The following TTLL1 variants were observed in gnomAD, a reference collection of about 807,000 sequenced individuals.
The protein encoded by TTLL1 is TTL family tubulin polyglutamylase complex subunit L1.
In TTLL1, 33 loss-of-function variants were observed where a neutral mutation model predicts 47.8. The observed-to-expected ratio is 0.69, with a 90% CI of 0.52 to 0.92. TTLL1 has a LOEUF of 0.92. TTLL1 is among the 40% of genes least tolerant of loss of function. TTLL1 has a pLI of 0.00. For synonymous variants in TTLL1, 225 were observed against 214.1 expected, an observed-to-expected ratio of 1.05 and a Z score of -0.45; for missense variants, 488 against 547.5, an observed-to-expected ratio of 0.89 and a Z score of 1.08.
intron 10 of TTLL1, among the ~76,000 whole-genome samples, chr22:43,043,900 C>T (rs1925897528): frequency 6.6e-6 from 1 of 152,034 alleles, no homozygotes; most frequent in Non-Finnish European, 1.5e-5. Flanking sequence ...TGGGTGATGG[C>T]AATGACCAAA....
At chr22:43,074,175 C>T (rs1294299284) in intron 3 of TTLL1, among the ~76,000 whole-genome samples, 3 of 151,758 alleles carry the variant, frequency 2.0e-5, no homozygotes, top group South Asian at 2.1e-4. Context: ...GCCTGTAATC[C>T]TAGCACTTTG....
intron 10 of TTLL1, 137 bp downstream of exon 10, chr22:43,046,273 T>C (rs1926118832): frequency 3.3e-6 from 3 of 895,902 alleles, no homozygotes; most frequent in Non-Finnish European, 3.4e-6. Flanking sequence ...ACAAGATCTA[T>C]CCCATCATGT....
chr22:43,083,620 C>T (rs1269582950), intron 1 of TTLL1, among the ~76,000 whole-genome samples: 2 of 152,010 alleles, frequency 1.3e-5, no homozygotes, highest in Non-Finnish European at 2.9e-5. Flanking sequence ...GCCAGCTACT[C>T]GGGAGGCTGA....
At chr22:43,071,573 C>T (rs1928125473) in intron 3 of TTLL1, among the ~76,000 whole-genome samples, 1 of 152,012 alleles carries the variant, frequency 6.6e-6, no homozygotes. Context: ...CCACACACCG[C>T]TAATTGTTAT....
chr22:43,087,268 A>C (rs1929283059), intron 1 of TTLL1, among the ~76,000 whole-genome samples: 1 of 152,166 alleles, frequency 6.6e-6, no homozygotes, highest in Non-Finnish European at 1.5e-5. Flanking sequence ...AGCTTGTTAG[A>C]AATACAGATT....
rs2146979810 is a variant in TTLL1 at position 43,068,333 on chromosome 22, A to G, written c.503+77T>C. The G allele has an allele frequency of 2.3e-6, 3 of 1,304,404 alleles. No homozygotes were observed. In the East Asian group the frequency reaches 7.9e-5, roughly 34 times the overall value. The allele number at this position is 1,304,404 out of a possible 1,614,324, so 80.8% of individuals were successfully genotyped here. ...CTCTGTCAAAAAAAAACCAAACAAA[A>G]ACCCACAAAGACTGCGAACAGCATA... On this transcript the variant is annotated intron_variant, in intron 5 of 10. Coordinates refer to ENST00000266254, the MANE Select transcript of TTLL1 (RefSeq NM_012263.5).
At chr22:43,051,034 G>T (rs1044756985) in intron 9 of TTLL1, among the ~76,000 whole-genome samples, 8 of 152,242 alleles carry the variant, frequency 5.3e-5, no homozygotes. Context: ...GTGGACTTGG[G>T]TGTCCTGGCT....
chr22:43,051,782 C>A lies in TTLL1; in HGVS notation c.978+19G>T, dbSNP rs746217460. On this transcript the variant is annotated intron_variant, in intron 9 of 10. Transcript: ENST00000266254. ...GGGCTATGTGTGGTGTGACCAGGTG[C>A]AGGTGCTCCCGCAGTTACCTCGATC... 6.8e-6 allele frequency: 11 copies of A among 1,612,700 alleles called. No individual in the cohort carries two copies. Among genetic ancestry groups the A allele is most frequent in the Non-Finnish European group, 9.3e-6 (11 of 1,178,724 alleles).
chr22:43,040,242 A>G, intron 10 of TTLL1: 1 of 216,666 alleles, frequency 4.6e-6, no homozygotes, highest in Non-Finnish European at 9.4e-6. Context: ...AACATGCATG[A>G]GGTGACACAG....
At chr22:43,085,373 C>T (rs750491165) in intron 1 of TTLL1, among the ~76,000 whole-genome samples, 15 of 152,194 alleles carry the variant, frequency 9.9e-5, no homozygotes, top group Non-Finnish European at 1.9e-4. Flanking sequence ...TCATGTGATG[C>T]CCAAAGGCAG....
chr22:43,047,667 C>A lies in TTLL1; in HGVS notation c.979-1094G>T, dbSNP rs1441691382. Reference sequence around the variant, plus strand: ...TATTTTCAGTAGAGACAGGGTTTCACCATGTTGGTCAGGCTGGTCTTGAAC... The same window carrying A: ...TATTTTCAGTAGAGACAGGGTTTCAACATGTTGGTCAGGCTGGTCTTGAAC... On this transcript the variant is annotated intron_variant, in intron 9 of 10. Transcript: ENST00000266254. Among the ~76,000 whole-genome samples, 3 of 152,120 alleles carry A rather than the reference C, an allele frequency of 2.0e-5. No homozygotes were observed. The East Asian group carries it at 5.8e-4, about 29-fold the overall frequency.
Position 43,084,432 on chromosome 22 carries a change from C to T in TTLL1, c.-89-4446G>A, listed in dbSNP as rs550199574. 4.9e-4 allele frequency among the ~76,000 whole-genome samples: 74 copies of T among 152,176 alleles called. 1 individual carries two copies. Among genetic ancestry groups the T allele is most frequent in the African/African-American group, 1.7e-3 (70 of 41,530 alleles). ...GCCAAAGTGTTGGGATTACAGGTGG[C>T]TCAGAGCTACTGTGCCCAGCTGACA... On this transcript the variant is annotated intron_variant, in intron 1 of 10. Coordinates refer to ENST00000266254, the MANE Select transcript of TTLL1 (RefSeq NM_012263.5).
chr22:43,069,760 T>C lies in TTLL1; in HGVS notation c.198A>G (p.Pro66=), dbSNP rs369720394. 4 of 1,614,098 alleles carry C rather than the reference T, an allele frequency of 2.5e-6. No individual in the cohort carries two copies. In the African/African-American group the frequency reaches 5.3e-5, roughly 22 times the overall value. Residue 66 remains proline, a synonymous_variant, in exon 4 of 11, where the codon CCA becomes CCG. Coordinates refer to ENST00000266254, the MANE Select transcript of TTLL1 (RefSeq NM_012263.5). The part of the protein sequence containing the change: ...LSDDQIVNHF[P]NHYELTRKDL... The stretch of plus-strand genomic sequence containing the variant: ...CCTTCCGGGTCAGTTCATAGTGGTT[T>C]GGAAAATGGTTGACTATTTGGTCAT...
At chr22:43,068,689 G>A (rs5759131) in intron 4 of TTLL1, 99 bp from the exon 5 acceptor site, 2 of 1,162,834 alleles carry the variant, frequency 1.7e-6, no homozygotes, top group Non-Finnish European at 2.3e-6. Flanking sequence ...TGTGGGCTGA[G>A]TGTCCCCCAC....
intron 9 of TTLL1, among the ~76,000 whole-genome samples, chr22:43,051,299 T>G (rs533997999): frequency 7.9e-4 from 120 of 152,330 alleles, no homozygotes; most frequent in African/African-American, 2.8e-3. Flanking sequence ...GCTAAACAGA[T>G]AGCCAACACG....
At chr22:43,051,982 G>A (rs373940604) in intron 8 of TTLL1, 95 bp from the exon 9 acceptor site, 18 of 1,137,244 alleles carry the variant, frequency 1.6e-5, no homozygotes, top group Middle Eastern at 2.2e-4. Flanking sequence ...CCCACGTCCC[G>A]ACCTCCCACA....
rs1928436101 is a variant in TTLL1, at chr22:43,075,590, C to T, written c.-4G>A. 6.2e-7 allele frequency: 1 copy of T among 1,613,016 alleles called. No homozygotes were observed. Among genetic ancestry groups the T allele is most frequent in the Non-Finnish European group, 8.5e-7 (1 of 1,178,964 alleles). On this transcript the variant is annotated splice_region_variant and 5_prime_UTR_variant, in exon 3 of 11. Transcript: ENST00000266254. ...CCCATTTTACTTTCCCTGCCATAAT[C>T]CTGGAAGAGATCAAAATATTAGAGA...
intron 3 of TTLL1, among the ~76,000 whole-genome samples, chr22:43,073,691 C>A (rs988249551): frequency 1.3e-5 from 2 of 152,048 alleles, no homozygotes; most frequent in African/African-American, 4.8e-5. Context: ...CCATAATCCA[C>A]TCAAAGTACT....
At chr22:43,054,537 G>A (rs1926867232) in intron 8 of TTLL1, among the ~76,000 whole-genome samples, 1 of 149,422 alleles carries the variant, frequency 6.7e-6, no homozygotes, top group Non-Finnish European at 1.5e-5. Flanking sequence ...CGATTCTCTT[G>A]CTTCAGCCTC....
Sources: gnomAD v4.1 joint callset for allele counts (sites outside exome capture counted in the v4.1 genomes callset) on GRCh38, gnomAD v4.1.1 for gene constraint, MANE v1.5 for transcripts, NCBI Gene and HGNC (gene_info 2026-07-23, HGNC 2026-07-21) for gene names.